The following ZNF611 variants were observed in gnomAD, a reference collection of about 807,000 sequenced individuals.
ZNF611 encodes zinc finger protein 611.
A neutral mutation model predicts 8.9 loss-of-function variants in ZNF611; 6 were observed. That is an observed-to-expected ratio of 0.68 (90% CI 0.37 to 1.34). The LOEUF (loss-of-function observed/expected upper bound fraction) is 1.34. Among genes scored for constraint, ZNF611 ranks in the 40% most tolerant of loss-of-function variants. The pLI is 0.02. For synonymous variants in ZNF611, 262 were observed against 279.7 expected (o/e 0.94, Z 0.63); for missense variants, 874 against 841.3 (o/e 1.04, Z -0.48).
intron 4 of ZNF611, among the ~76,000 whole-genome samples, chr19:52,715,511 C>G (rs1025234009): frequency 6.6e-6 from 1 of 152,232 alleles, no homozygotes; most frequent in African/African-American, 2.4e-5. Context: ...TTTCTCTGAG[C>G]TGACATCCAG....
chr19:52,733,970 G>A (rs1187565917), intron 1 of ZNF611, among the ~76,000 whole-genome samples: 1 of 147,692 alleles, frequency 6.8e-6, no homozygotes, highest in African/African-American at 2.5e-5. Flanking sequence ...CCAGATCCCA[G>A]CTGTCCTCTC....
intron 1 of ZNF611, among the ~76,000 whole-genome samples, chr19:52,732,730 A>T (rs2062433904): frequency 6.6e-6 from 1 of 151,168 alleles, no homozygotes. Context: ...GGATCCTTTG[A>T]GCCCAGGATT....
chr19:52,714,300 G>C (rs563111268), intron 4 of ZNF611, among the ~76,000 whole-genome samples, 159 bp from the exon 5 acceptor site: 1 of 152,012 alleles, frequency 6.6e-6, no homozygotes, highest in Non-Finnish European at 1.5e-5. Flanking sequence ...CTATAGTTGC[G>C]TTTTATTGTA....
intron 1 of ZNF611, among the ~76,000 whole-genome samples, chr19:52,730,401 A>AAC (rs2062418469): frequency 8.7e-5 from 2 of 22,998 alleles, no homozygotes; most frequent in South Asian, 1.9e-3. Context: ...CAAAAAAAAA[A>AAC]AAAAAAAAAA....
Position 52,702,942 on chromosome 19 carries a change from A to C in ZNF611, c.*1995T>G, listed in dbSNP as rs1360622382. ...AACAAAGACTAGAAAGCATGCAGAC[A>C]TTGATATGAACTGGATGCAACTAAT... On this transcript the variant is annotated 3_prime_UTR_variant, in exon 6 of 6. Transcript: ENST00000652185. 2.0e-5 allele frequency: 3 copies of C among 152,214 alleles called. No individual in the cohort carries two copies. Among genetic ancestry groups the C allele is most frequent in the East Asian group, 1.9e-4 (1 of 5,196 alleles). 9.4% of individuals were successfully genotyped at this position (152,214 alleles called of 1,614,324 possible).
intron 3 of ZNF611, among the ~76,000 whole-genome samples, chr19:52,719,048 T>A (rs1180093406): frequency 6.6e-6 from 1 of 152,160 alleles, no homozygotes; most frequent in African/African-American, 2.4e-5. Context: ...CAGCTGCCTA[T>A]AATCCCAGCT....
At chr19:52,709,174 T>A (rs1374181474) in intron 5 of ZNF611, among the ~76,000 whole-genome samples, 1 of 152,228 alleles carries the variant, frequency 6.6e-6, no homozygotes, top group Non-Finnish European at 1.5e-5. Flanking sequence ...TGGGGTCTTT[T>A]AGAGAGTTTT....
rs568833025 is a variant in ZNF611, at chr19:52,704,525, G to A, written c.*412C>T. The A allele has an allele frequency of 4.2e-5, 49 of 1,157,736 alleles. No individual in the cohort carries two copies. Among genetic ancestry groups the A allele is most frequent in the Non-Finnish European group, 6.3e-5 (49 of 781,522 alleles). 71.7% of individuals were successfully genotyped at this position (1,157,736 alleles called of 1,614,324 possible). On this transcript the variant is annotated 3_prime_UTR_variant, in exon 6 of 6. Transcript: ENST00000652185. ...TTGGCACAGTCATGACATTTGTAAG[G>A]TTTCTCTCCAGTATGAGTTCACCGA...
Position 52,706,460 on chromosome 19 carries a change from TAC to T in ZNF611, c.593_594del (p.Cys198Ter), listed in dbSNP as rs2062245830. The T allele has an allele frequency of 6.2e-7, 1 of 1,614,174 alleles. No individual in the cohort carries two copies. The highest frequency in any genetic ancestry group is 2.2e-5 in the East Asian group (1 of 44,882). On this transcript the variant is annotated frameshift_variant, in exon 6 of 6. Transcript: ENST00000652185. LOFTEE classifies it low-confidence loss of function (END_TRUNC). ...TTATTAGAAATCTGGGTTTGGGGCC[TAC>T]AGGAAATTCTTTGGAATGTTGAAAC... ...PSVSTFQRISCRPQTQISNNY... is the reference protein window; with the variant it reads ...PSVSTFQRISXRPQTQISNNY...
intron 1 of ZNF611, among the ~76,000 whole-genome samples, chr19:52,732,293 T>A (rs1433427262): frequency 7.2e-6 from 1 of 139,006 alleles, no homozygotes; most frequent in Admixed American, 7.1e-5. Context: ...GAAAACAGAA[T>A]AACTCACAGT....
intron 1 of ZNF611, among the ~76,000 whole-genome samples, chr19:52,734,173 T>A (rs1600341725): frequency 7.0e-6 from 1 of 142,752 alleles, no homozygotes; most frequent in African/African-American, 2.6e-5. Flanking sequence ...GCTTTTCTCC[T>A]CCTGCTTTCT....
intron 3 of ZNF611, among the ~76,000 whole-genome samples, chr19:52,727,450 C>A (rs1021243865): frequency 6.6e-6 from 1 of 151,146 alleles, no homozygotes; most frequent in Non-Finnish European, 1.5e-5. Context: ...TTGAAAAGCC[C>A]TTGGTCACAC....
intron 1 of ZNF611, among the ~76,000 whole-genome samples, chr19:52,734,602 G>A (rs2062446318): frequency 6.6e-6 from 1 of 151,828 alleles, no homozygotes; most frequent in Admixed American, 6.6e-5. Context: ...GGACCTGGCA[G>A]AGGACTCGGC....
chr19:52,710,355 G>A (rs531230417), intron 5 of ZNF611, among the ~76,000 whole-genome samples: 4 of 151,534 alleles, frequency 2.6e-5, no homozygotes, highest in East Asian at 3.9e-4. Context: ...TCAGCCTCAC[G>A]AGAAGCTGGG....
intron 5 of ZNF611, 52 bp downstream of exon 5, chr19:52,713,963 G>A (rs2062297553): frequency 1.2e-5 from 19 of 1,607,638 alleles, no homozygotes; most frequent in Non-Finnish European, 1.6e-5. Context: ...GCCAGGATGA[G>A]CCAAGATAGA....
Position 52,727,038 on chromosome 19 carries a change from G to A in ZNF611, c.-20+1692C>T, listed in dbSNP as rs572479543. Among the ~76,000 whole-genome samples the A allele has an allele frequency of 5.3e-5, 8 of 152,018 alleles. No homozygotes were observed. In the South Asian group the frequency reaches 1.7e-3, roughly 32 times the overall value. ...ACATGACCATGCCCAGCTAACTTTT[G>A]TATTTTTGGTAGAGATGGGGTTTCA... On this transcript the variant is annotated intron_variant, in intron 3 of 5. Transcript: ENST00000652185.
In ZNF611 at chr19:52,732,275, A is replaced by T. The variant is rs1021069424; in HGVS notation, c.-221-2270T>A. Among the ~76,000 whole-genome samples, 11 of 152,022 alleles carry T rather than the reference A, an allele frequency of 7.2e-5. 1 individual carries two copies. Among genetic ancestry groups the T allele is most frequent in the Non-Finnish European group, 1.0e-4 (7 of 67,990 alleles). Reference sequence around the variant, plus strand: ...ACAGAGCAAAACTCCATCTCAAAAAAGAAAAAAGAAAACAGAATAACTCAC... The same window carrying T: ...ACAGAGCAAAACTCCATCTCAAAAATGAAAAAAGAAAACAGAATAACTCAC... On this transcript the variant is annotated intron_variant, in intron 1 of 5. Coordinates refer to ENST00000652185, the MANE Select transcript of ZNF611 (RefSeq NM_001161499.2).
rs1403835213 is a variant in ZNF611, at chr19:52,703,151, TTA to T, written c.*1784_*1785del. On this transcript the variant is annotated 3_prime_UTR_variant, in exon 6 of 6. Transcript: ENST00000652185. ...GAAATACAACTTTTATAACTTAGAT[TTA>T]TCTCAAACTCAAACTGCAAAATAAA... 1.3e-5 allele frequency: 2 copies of T among 151,622 alleles called. No individual in the cohort carries two copies. Among genetic ancestry groups the T allele is most frequent in the African/African-American group, 4.8e-5 (2 of 41,290 alleles). 9.4% of individuals were successfully genotyped at this position (151,622 alleles called of 1,614,324 possible).
intron 3 of ZNF611, among the ~76,000 whole-genome samples, chr19:52,722,144 T>C (rs1296406660): frequency 6.6e-6 from 1 of 151,992 alleles, no homozygotes; most frequent in Non-Finnish European, 1.5e-5. Flanking sequence ...GGAGGAACCT[T>C]TGAGCCCAGG....
Sources: gnomAD v4.1 joint callset for allele counts (sites outside exome capture counted in the v4.1 genomes callset) on GRCh38, gnomAD v4.1.1 for gene constraint, MANE v1.5 for transcripts, NCBI Gene and HGNC (gene_info 2026-07-23, HGNC 2026-07-21) for gene names.